The following SCD5 variants were observed in gnomAD, a reference collection of about 807,000 sequenced individuals.
SCD5 encodes stearoyl-CoA desaturase 5.
In SCD5, 20 loss-of-function variants were observed where a neutral mutation model predicts 30.4. The observed-to-expected ratio is 0.66, with a 90% CI of 0.46 to 0.96. SCD5 has a LOEUF of 0.96. SCD5 is among the 40% of genes least tolerant of loss of function. The pLI, the probability that SCD5 is intolerant of heterozygous loss-of-function variation, is 0.00. For missense variants in SCD5, 381 were observed against 443.3 expected (o/e 0.86, Z 1.26); for synonymous variants, 173 against 176.4 (o/e 0.98, Z 0.16).
At chr4:82,659,461 G>A (rs1312994974) in intron 3 of SCD5, among the ~76,000 whole-genome samples, 1 of 152,122 alleles carries the variant, frequency 6.6e-6, no homozygotes, top group Non-Finnish European at 1.5e-5. Context: ...TTCTCCTGTG[G>A]ACATTTAGTG....
At chr4:82,668,997 T>G (rs1427646541) in intron 3 of SCD5, among the ~76,000 whole-genome samples, 1 of 152,170 alleles carries the variant, frequency 6.6e-6, no homozygotes, top group East Asian at 1.9e-4. Flanking sequence ...TTCTATTAAC[T>G]TAGCAACAGG....
intron 1 of SCD5, among the ~76,000 whole-genome samples, chr4:82,732,619 G>A (rs57459855): frequency 0.053 from 8,135 of 152,254 alleles, 711 homozygotes; most frequent in African/African-American, 0.18. Flanking sequence ...ACAGGCTCCG[G>A]CTACCTCCCA....
At chr4:82,750,138 A>C (rs1216910762) in intron 1 of SCD5, among the ~76,000 whole-genome samples, 2 of 152,246 alleles carry the variant, frequency 1.3e-5, no homozygotes, top group East Asian at 3.8e-4. Context: ...AATGGATCGC[A>C]CACAGTCTGC....
chr4:82,775,427 T>A (rs1721724361), intron 1 of SCD5: 1 of 151,696 alleles, frequency 6.6e-6, no homozygotes, highest in Non-Finnish European at 1.5e-5. Context: ...AGTGGGGGAG[T>A]AAGAACATCT....
intron 1 of SCD5, among the ~76,000 whole-genome samples, chr4:82,765,748 C>T (rs949651285): frequency 1.3e-5 from 2 of 152,026 alleles, no homozygotes; most frequent in Non-Finnish European, 2.9e-5. Flanking sequence ...TCCTGAGTAG[C>T]TGGGACTACA....
chr4:82,693,764 A>C (rs1719618343), intron 2 of SCD5, among the ~76,000 whole-genome samples: 1 of 152,190 alleles, frequency 6.6e-6, no homozygotes, highest in Non-Finnish European at 1.5e-5. Flanking sequence ...CCCCAGACGG[A>C]CACAGAGGTC....
intron 1 of SCD5, among the ~76,000 whole-genome samples, chr4:82,792,227 C>A (rs1415695516): frequency 6.6e-6 from 1 of 151,546 alleles, no homozygotes; most frequent in Non-Finnish European, 1.5e-5. Flanking sequence ...ACTGCACTTG[C>A]ACTCCAGCCT....
chr4:82,712,371 G>C (rs1720129733), intron 1 of SCD5, among the ~76,000 whole-genome samples: 1 of 138,306 alleles, frequency 7.2e-6, no homozygotes, highest in African/African-American at 2.8e-5. Flanking sequence ...AGGCTGGAGT[G>C]CAATGGCGTG....
intron 1 of SCD5, among the ~76,000 whole-genome samples, chr4:82,758,012 G>C (rs1721267868): frequency 1.3e-5 from 2 of 152,208 alleles, no homozygotes. Flanking sequence ...AGATCAGCTG[G>C]TGGGGTGATT....
intron 1 of SCD5, among the ~76,000 whole-genome samples, chr4:82,781,003 C>CATAATTGAAAGGGAGAG (rs1721856090): frequency 1.3e-5 from 2 of 152,242 alleles, no homozygotes; most frequent in Admixed American, 6.5e-5. Context: ...CCAGCCTCCT[C>CATAATTGAAAGGGAGAG]ACACTCACAT....
chr4:82,797,118 G>A (rs905619000), intron 1 of SCD5, among the ~76,000 whole-genome samples: 9 of 152,180 alleles, frequency 5.9e-5, no homozygotes, highest in Non-Finnish European at 1.2e-4. Context: ...GGGAAGGCTT[G>A]GAACCATAGT....
At chr4:82,710,008 C>T (rs114231476) in intron 1 of SCD5, among the ~76,000 whole-genome samples, 2,260 of 152,292 alleles carry the variant, frequency 0.015, 23 homozygotes, top group Non-Finnish European at 0.022. Flanking sequence ...TAAATAAATG[C>T]CTTGGGACCT....
chr4:82,703,658 T>C (rs1719905989), intron 2 of SCD5, among the ~76,000 whole-genome samples: 1 of 152,230 alleles, frequency 6.6e-6, no homozygotes, highest in Admixed American at 6.5e-5. Context: ...GGTTTTCAAA[T>C]TTTGAGTTAT....
chr4:82,638,869 A>G (rs1056331253), intron 3 of SCD5, among the ~76,000 whole-genome samples: 2 of 152,226 alleles, frequency 1.3e-5, no homozygotes, highest in Admixed American at 6.5e-5. Flanking sequence ...AGACCTTTAT[A>G]TGTATTGACT....
intron 1 of SCD5, among the ~76,000 whole-genome samples, chr4:82,757,074 C>T (rs1721248910): frequency 1.3e-5 from 2 of 152,146 alleles, no homozygotes; most frequent in Non-Finnish European, 1.5e-5. Context: ...TCACCTTCCA[C>T]AGAGGGAAAA....
intron 3 of SCD5, among the ~76,000 whole-genome samples, chr4:82,655,389 G>C (rs1050916709): frequency 1.3e-5 from 2 of 152,114 alleles, no homozygotes; most frequent in African/African-American, 4.8e-5. Context: ...GCAAGCATTT[G>C]GCCACACTCT....
intron 3 of SCD5, among the ~76,000 whole-genome samples, chr4:82,664,461 C>A (rs1034547902): frequency 6.6e-6 from 1 of 152,112 alleles, no homozygotes; most frequent in South Asian, 2.1e-4. Context: ...GAACAAAAAT[C>A]ATTGTCCAGA....
At chr4:82,663,072 G>A (rs1348416561) in intron 3 of SCD5, among the ~76,000 whole-genome samples, 1 of 152,004 alleles carries the variant, frequency 6.6e-6, no homozygotes, top group Non-Finnish European at 1.5e-5. Context: ...CTGTCACCTC[G>A]ACAATGAGAA....
chr4:82,746,833 G>A (rs1172115197), intron 1 of SCD5, among the ~76,000 whole-genome samples: 1 of 152,092 alleles, frequency 6.6e-6, no homozygotes, highest in Non-Finnish European at 1.5e-5. Context: ...GGACCCAAGC[G>A]AGAATAGGCA....
Sources: allele counts gnomAD v4.1 joint callset (sites outside exome capture counted in the v4.1 genomes callset), GRCh38; gene constraint gnomAD v4.1.1; transcripts MANE v1.5; gene names NCBI Gene and HGNC (gene_info 2026-07-23, HGNC 2026-07-21).